ASIC2: variants seen among roughly 807,000 people sequenced by gnomAD.
ASIC2 encodes acid-sensing ion channel 2.
In ASIC2, 25 loss-of-function variants were observed where a neutral mutation model predicts 57.3. The observed-to-expected ratio is 0.44, with a 90% confidence interval of 0.32 to 0.61. The LOEUF (loss-of-function observed/expected upper bound fraction) is 0.61. Ranked by LOEUF, ASIC2 falls within the 20% of genes least tolerant of loss-of-function variation. ASIC2 has a pLI of 0.06. For missense variants in ASIC2, 641 were observed against 738.1 expected (o/e 0.87, Z 1.52); for synonymous variants, 319 against 307.5 (o/e 1.04, Z -0.39).
chr17:33,522,764 G>A (rs1914779391), intron 1 of ASIC2, among the ~76,000 whole-genome samples: 1 of 152,208 alleles, frequency 6.6e-6, no homozygotes, highest in South Asian at 2.1e-4. Context: ...TTTATTTGCG[G>A]TGCCATGAAT....
At chr17:33,152,026 G>A (rs1177815747) in intron 1 of ASIC2, among the ~76,000 whole-genome samples, 1 of 152,334 alleles carries the variant, frequency 6.6e-6, no homozygotes, top group African/African-American at 2.4e-5. Context: ...ATAGGAGGGA[G>A]CTAACACTGA....
At chr17:33,952,871 A>G (rs1904621499) in intron 1 of ASIC2, among the ~76,000 whole-genome samples, 1 of 152,228 alleles carries the variant, frequency 6.6e-6, no homozygotes, top group African/African-American at 2.4e-5. Flanking sequence ...TAGCATAGGA[A>G]AATGCTTTCA....
intron 1 of ASIC2, among the ~76,000 whole-genome samples, chr17:34,056,011 C>T (rs771821895): frequency 6.6e-6 from 1 of 152,110 alleles, no homozygotes; most frequent in Non-Finnish European, 1.5e-5. Context: ...GGATGACTTA[C>T]ACTGGGCAGT....
At chr17:33,357,280 G>A (rs932893435) in intron 1 of ASIC2, among the ~76,000 whole-genome samples, 2 of 152,068 alleles carry the variant, frequency 1.3e-5, no homozygotes, top group Admixed American at 1.3e-4. Context: ...TCAAAGTTTA[G>A]CGAGGGAGAG....
chr17:33,765,790 A>G lies in ASIC2; in HGVS notation c.555+390188T>C, dbSNP rs112635509. Among the ~76,000 whole-genome samples the G allele has an allele frequency of 2.7e-4, 41 of 152,320 alleles. 2 individuals carry two copies. The highest frequency in any genetic ancestry group is 9.1e-4 in the African/African-American group (38 of 41,564). On this transcript the variant is annotated intron_variant, in intron 1 of 9. Coordinates refer to the ASIC2 transcript ENST00000359872. ...CTCTGGAGTCAGATGGGGTTAGAGG[A>G]TATTCCAAGATGGGATTCTTCCTTT...
intron 1 of ASIC2, among the ~76,000 whole-genome samples, chr17:33,550,816 T>C (rs1915729563): frequency 6.6e-6 from 1 of 152,170 alleles, no homozygotes; most frequent in African/African-American, 2.4e-5. Context: ...CAAAAGAAGC[T>C]ATGGCAAGGA....
At chr17:33,346,226 C>CAAAAAA (rs57042563) in intron 1 of ASIC2, among the ~76,000 whole-genome samples, 1 of 57,770 alleles carries the variant, frequency 1.7e-5, no homozygotes, top group Non-Finnish European at 2.9e-5. Flanking sequence ...GATTCCCTCT[C>CAAAAAA]AAAAAAAAAA....
intron 1 of ASIC2, among the ~76,000 whole-genome samples, chr17:33,135,882 T>A (rs920785154): frequency 1.3e-5 from 2 of 152,246 alleles, no homozygotes; most frequent in African/African-American, 4.8e-5. Context: ...TGAGCTGGAA[T>A]GCAAGCTGGG....
intron 1 of ASIC2, among the ~76,000 whole-genome samples, chr17:34,142,560 A>G (rs1157861024): frequency 3.9e-5 from 6 of 152,208 alleles, no homozygotes; most frequent in Admixed American, 3.3e-4. Flanking sequence ...ATTGTAGTGT[A>G]TAATCATTAG....
chr17:33,459,308 C>T (rs1912557893), intron 1 of ASIC2, among the ~76,000 whole-genome samples: 1 of 152,064 alleles, frequency 6.6e-6, no homozygotes, highest in Non-Finnish European at 1.5e-5. Flanking sequence ...TTGCCGAGTA[C>T]TGTGTTCAAG....
chr17:33,833,534 A>ATGTGTT (rs893856984), intron 1 of ASIC2, among the ~76,000 whole-genome samples: 24 of 151,012 alleles, frequency 1.6e-4, no homozygotes, highest in African/African-American at 5.4e-4. Flanking sequence ...GTGTGTACCT[A>ATGTGTT]TGTGTTTGTG....
intron 1 of ASIC2, among the ~76,000 whole-genome samples, chr17:33,532,467 G>T (rs1029696452): frequency 1.3e-5 from 2 of 152,228 alleles, no homozygotes; most frequent in African/African-American, 4.8e-5. Context: ...AGGCTACTAT[G>T]ATGGGCCACT....
intron 4 of ASIC2, 54 bp downstream of exon 4, chr17:33,028,188 G>A: frequency 6.5e-7 from 1 of 1,541,454 alleles, no homozygotes. Context: ...AGAAATGCAA[G>A]GTGGGTCCCA....
intron 1 of ASIC2, among the ~76,000 whole-genome samples, chr17:33,845,539 A>T (rs949271438): frequency 2.0e-5 from 3 of 152,170 alleles, no homozygotes; most frequent in African/African-American, 7.2e-5. Context: ...TAATTGTATG[A>T]CTTTAGGCTG....
chr17:33,800,161 T>A (rs1912089558), intron 1 of ASIC2, among the ~76,000 whole-genome samples: 1 of 152,152 alleles, frequency 6.6e-6, no homozygotes, highest in Non-Finnish European at 1.5e-5. Context: ...TTGACCTGTA[T>A]GTTTGTGGTT....
intron 1 of ASIC2, among the ~76,000 whole-genome samples, chr17:33,268,442 T>C (rs1909564743): frequency 6.6e-6 from 1 of 152,090 alleles, no homozygotes; most frequent in South Asian, 2.1e-4. Context: ...TTCCCCAGTC[T>C]ACTAGAGTAT....
intron 1 of ASIC2, chr17:34,038,106 TA>T (rs1907960357): frequency 6.2e-7 from 1 of 1,612,926 alleles, no homozygotes; most frequent in Admixed American, 1.7e-5. Flanking sequence ...CCAAAATCTG[TA>T]ATTTTTATCT....
At chr17:34,095,224 G>A (rs2142091759) in intron 1 of ASIC2, among the ~76,000 whole-genome samples, 1 of 152,264 alleles carries the variant, frequency 6.6e-6, no homozygotes, top group Middle Eastern at 3.4e-3. Flanking sequence ...ATGTGGCCAG[G>A]TGAACAGAGC....
intron 1 of ASIC2, among the ~76,000 whole-genome samples, chr17:33,874,998 C>A (rs1914514769): frequency 6.6e-6 from 1 of 152,172 alleles, no homozygotes; most frequent in African/African-American, 2.4e-5. Flanking sequence ...AGCTCCAAGG[C>A]AGCTAGTTTT....
Sources: allele counts gnomAD v4.1 joint callset (sites outside exome capture counted in the v4.1 genomes callset), GRCh38; gene constraint gnomAD v4.1.1; transcripts MANE v1.5; gene names NCBI Gene and HGNC (gene_info 2026-07-23, HGNC 2026-07-21).